The following TPCN1 variants were observed in gnomAD, a reference collection of about 807,000 sequenced individuals.
The protein encoded by TPCN1 is two pore segment channel 1, also known as two pore channel protein 1.
In TPCN1, 52 loss-of-function variants were observed where a neutral mutation model predicts 108.8. The ratio of observed to expected loss-of-function variants is 0.48; its 90% CI spans 0.38 to 0.60. The LOEUF is 0.60. Ranked by LOEUF, TPCN1 falls within the 20% of genes least tolerant of loss-of-function variation. The pLI is 0.00. For synonymous variants in TPCN1, 446 were observed against 433.7 expected (o/e 1.03, Z -0.35); for missense variants, 806 against 1,072.8 (o/e 0.75, Z 3.47).
At chr12:113,225,472 G>T in intron 1 of TPCN1, 1 of 255,568 alleles carries the variant, frequency 3.9e-6, no homozygotes, top group Non-Finnish European at 8.0e-6. Flanking sequence ...TAACTTTTCA[G>T]TATTTGTTCT....
At chr12:113,236,187 C>T (rs1423793117) in intron 2 of TPCN1, among the ~76,000 whole-genome samples, 8 of 152,106 alleles carry the variant, frequency 5.3e-5, no homozygotes, top group African/African-American at 4.8e-5. Context: ...ATGGCAAGAC[C>T]GGGCAGTGTG....
In TPCN1 at chr12:113,265,016, A is replaced by G. The variant is rs192315917; in HGVS notation, c.238-1164A>G. Reference sequence around the variant, plus strand: ...AATTTTTGTATTTTTAGTAGAGACGAGGTTTCACCATGTTGGCCAGGCCGG... The same window carrying G: ...AATTTTTGTATTTTTAGTAGAGACGGGGTTTCACCATGTTGGCCAGGCCGG... On this transcript the variant is annotated intron_variant, in intron 3 of 27. Coordinates refer to ENST00000335509, the MANE Select transcript of TPCN1 (RefSeq NM_017901.6). Among the ~76,000 whole-genome samples the G allele has an allele frequency of 1.6e-4, 24 of 152,080 alleles. No individual in the cohort carries two copies. In the East Asian group the frequency reaches 4.7e-3, roughly 30 times the overall value.
rs771212922 is a variant in TPCN1, at chr12:113,273,711, T to A, written c.942+43T>A. 7.5e-6 allele frequency: 11 copies of A among 1,473,442 alleles called. No individual in the cohort carries two copies. The highest frequency in any genetic ancestry group is 1.0e-5 in the Non-Finnish European group (11 of 1,053,500). The allele number at this position is 1,473,442 out of a possible 1,614,324, so 91.3% of individuals were successfully genotyped here. A position where few individuals can be genotyped will look rare whatever the true frequency, so the allele number is the denominator to read the frequency against. ...AGGCTACGCTGAAGCAGCCTGCCCCTACCCATGCAGCACTAGGCACTGTGG... is the reference window on the plus strand; with the variant it reads ...AGGCTACGCTGAAGCAGCCTGCCCCAACCCATGCAGCACTAGGCACTGTGG... On this transcript the variant is annotated intron_variant, in intron 10 of 27. Transcript: ENST00000335509. The surrounding 1 kb of genome is among the most constrained non-coding windows in gnomAD (Gnocchi z 4.0).
chr12:113,236,656 C>T (rs7962969), intron 2 of TPCN1, among the ~76,000 whole-genome samples: 32,965 of 151,766 alleles, frequency 0.22, 3,923 homozygotes, highest in African/African-American at 0.32. Flanking sequence ...CTTCTGAGAC[C>T]CACACCCTGG....
At chr12:113,238,870 C>T (rs1374069162) in intron 2 of TPCN1, among the ~76,000 whole-genome samples, 1 of 152,090 alleles carries the variant, frequency 6.6e-6, no homozygotes, top group Non-Finnish European at 1.5e-5. Context: ...AGTGGTTCAC[C>T]CTGTAATCTT....
At position 113,288,319 on chromosome 12, in the gene TPCN1, G is replaced by C; in HGVS notation, c.1706+85G>C. The C allele has an allele frequency of 6.3e-7, 1 of 1,589,042 alleles. No homozygotes were observed. The highest frequency in any genetic ancestry group is 8.5e-7 in the Non-Finnish European group (1 of 1,170,218). On this transcript the variant is annotated intron_variant, in intron 20 of 27. Coordinates refer to ENST00000335509, the MANE Select transcript of TPCN1 (RefSeq NM_017901.6). This position sits in a 1 kb window ranked among gnomAD's most constrained non-coding sequence, Gnocchi z 4.8. ...GGGCGGGAGCCGAGTGGCAGTCGGG[G>C]GAAAGGAGTTCCACAAAGGACTGCA...
chr12:113,234,391 G>C (rs918067750), intron 2 of TPCN1, among the ~76,000 whole-genome samples: 1 of 152,210 alleles, frequency 6.6e-6, no homozygotes, highest in South Asian at 2.1e-4. Flanking sequence ...AGTTTGGAGC[G>C]GGGCATGAGG....
rs1045999807 is a variant in TPCN1 at position 113,249,232 on chromosome 12, C to T, written c.113-11136C>T. ...ATGGAGGGACCGTCTGTGCGAGAAC[C>T]GGCCACGTGTTCTCTTTGATTTGGG... On this transcript the variant is annotated intron_variant, in intron 2 of 27. Coordinates refer to ENST00000335509, the MANE Select transcript of TPCN1 (RefSeq NM_017901.6). 6.6e-5 allele frequency among the ~76,000 whole-genome samples: 10 copies of T among 152,324 alleles called. No individual in the cohort carries two copies. The South Asian group carries it at 1.7e-3, about 25-fold the overall frequency.
intron 2 of TPCN1, among the ~76,000 whole-genome samples, chr12:113,257,335 T>TTAAA: frequency 6.6e-6 from 1 of 151,858 alleles, no homozygotes. Context: ...CTAAAAATAT[T>TTAAA]TAAAAATTAG....
At chr12:113,238,434 C>T (rs543442043) in intron 2 of TPCN1, among the ~76,000 whole-genome samples, 2 of 152,192 alleles carry the variant, frequency 1.3e-5, no homozygotes, top group African/African-American at 4.8e-5. Context: ...GACCCCTGCT[C>T]CTTGGCCTGG....
intron 2 of TPCN1, among the ~76,000 whole-genome samples, chr12:113,253,313 G>A (rs1195948900): frequency 6.6e-6 from 1 of 152,222 alleles, no homozygotes; most frequent in Non-Finnish European, 1.5e-5. Flanking sequence ...AACTAAGTAG[G>A]TTAATAGATA....
chr12:113,258,703 C>G (rs1470908896), intron 2 of TPCN1, among the ~76,000 whole-genome samples: 1 of 152,110 alleles, frequency 6.6e-6, no homozygotes, highest in Non-Finnish European at 1.5e-5. Context: ...ATCTCTTGAA[C>G]TCAAGAGTTT....
chr12:113,246,580 G>A (rs750283360), intron 2 of TPCN1, among the ~76,000 whole-genome samples: 12 of 152,156 alleles, frequency 7.9e-5, no homozygotes, highest in Admixed American at 5.2e-4. Flanking sequence ...TCCTATGTCC[G>A]GCCCGGTTGC....
Position 113,272,576 on chromosome 12 carries a change from TG to T in TPCN1, c.749-81del. Reference sequence around the variant, plus strand: ...TCCTGACCTGCTGCGTTCATTTGCATGTATTTGTCCAGTCCTTTTGACACCA... The same window carrying T: ...TCCTGACCTGCTGCGTTCATTTGCATTATTTGTCCAGTCCTTTTGACACCA... On this transcript the variant is annotated intron_variant, in intron 7 of 27. Coordinates refer to ENST00000335509, the MANE Select transcript of TPCN1 (RefSeq NM_017901.6). This position sits in a 1 kb window ranked among gnomAD's most constrained non-coding sequence, Gnocchi z 4.1. The T allele has an allele frequency of 3.1e-6, 4 of 1,274,126 alleles. No individual in the cohort carries two copies. The highest frequency in any genetic ancestry group is 2.3e-6 in the Non-Finnish European group (2 of 870,262). 78.9% of individuals were successfully genotyped at this position (1,274,126 alleles called of 1,614,324 possible). A position where few individuals can be genotyped will look rare whatever the true frequency, so the allele number is the denominator to read the frequency against.
In TPCN1 at chr12:113,286,984, C is replaced by T. The variant is rs1416194285; in HGVS notation, c.1527-3C>T. 1.2e-6 allele frequency: 2 copies of T among 1,612,194 alleles called. No homozygotes were observed. The highest frequency in any genetic ancestry group is 1.7e-6 in the Non-Finnish European group (2 of 1,178,770). On this transcript the variant is annotated splice_region_variant and splice_polypyrimidine_tract_variant and intron_variant, in intron 18 of 27. Coordinates refer to ENST00000335509, the MANE Select transcript of TPCN1 (RefSeq NM_017901.6). Reference sequence around the variant, plus strand: ...GTGGACCTTGGCCTCTCCCCTACTGCAGGTTTGACTTCTCCGTGACAGTGT... The same window carrying T: ...GTGGACCTTGGCCTCTCCCCTACTGTAGGTTTGACTTCTCCGTGACAGTGT...
intron 1 of TPCN1, among the ~76,000 whole-genome samples, chr12:113,223,433 G>GTTTTTTTTTTT (rs1167268590): frequency 2.9e-5 from 3 of 101,740 alleles, no homozygotes; most frequent in African/African-American, 9.3e-5. Context: ...GATCTGCTGA[G>GTTTTTTTTTTT]TCTTTTTTTT....
Position 113,269,721 on chromosome 12 carries a change from C to G in TPCN1, c.660-36C>G. 6.3e-7 allele frequency: 1 copy of G among 1,599,800 alleles called. No homozygotes were observed. Among genetic ancestry groups the G allele is most frequent in the African/African-American group, 1.3e-5 (1 of 74,814 alleles). On this transcript the variant is annotated intron_variant, in intron 6 of 27. Transcript: ENST00000335509. The surrounding 1 kb of genome is among the most constrained non-coding windows in gnomAD (Gnocchi z 5.0). ...AGGAGTCCCAGGCAGCCCGCCCCAG[C>G]TGGTGCCTCCCCTGAGCTGGCCCAT...
intron 19 of TPCN1, 170 bp downstream of exon 19, chr12:113,287,264 G>A: frequency 3.3e-6 from 2 of 612,664 alleles, no homozygotes; most frequent in Non-Finnish European, 5.8e-6. Context: ...CCCTGAGGGT[G>A]TGCAGGCTGC....
chr12:113,225,368 C>A (rs1042243904), intron 1 of TPCN1: 2 of 353,274 alleles, frequency 5.7e-6, no homozygotes, highest in Non-Finnish European at 1.1e-5. Context: ...CTATTTTTTT[C>A]TTTGAAGTCT....
Sources: allele counts gnomAD v4.1 joint callset (sites outside exome capture counted in the v4.1 genomes callset), GRCh38; gene constraint gnomAD v4.1.1; non-coding constraint Gnocchi (gnomAD v3.1); transcripts MANE v1.5; gene names NCBI Gene and HGNC (gene_info 2026-07-23, HGNC 2026-07-21).